Variants in SAP30BP observed in about 807,000 individuals in gnomAD.
SAP30BP encodes the protein SAP30-binding protein.
SAP30BP carries 31 observed loss-of-function variants against 46.3 expected under a neutral mutation model. The observed-to-expected ratio is 0.67, with a 90% CI of 0.50 to 0.90. The LOEUF (loss-of-function observed/expected upper bound fraction) is 0.90, where lower values mean the gene tolerates loss of function less well. SAP30BP is among the 40% of genes least tolerant of loss of function. SAP30BP has a pLI of 0.00. For missense variants in SAP30BP, 312 were observed against 391.0 expected, an observed-to-expected ratio of 0.80 and a Z score of 1.70; for synonymous variants, 169 against 144.2, an observed-to-expected ratio of 1.17 and a Z score of -1.23.
At chr17:75,699,935 T>TA in intron 5 of SAP30BP, 64 bp downstream of exon 5, 2 of 1,244,014 alleles carry the variant, frequency 1.6e-6, no homozygotes, top group South Asian at 2.4e-5. Flanking sequence ...GTGTTTGGTT[T>TA]GGTCTTAATC....
chr17:75,693,257 C>G, intron 3 of SAP30BP, 183 bp from the exon 4 acceptor site: 1 of 580,638 alleles, frequency 1.7e-6, no homozygotes, highest in East Asian at 3.0e-5. Flanking sequence ...TGCTGCGATG[C>G]GGGAAGAAGA....
intron 3 of SAP30BP, among the ~76,000 whole-genome samples, chr17:75,687,440 A>T (rs2060173411): frequency 6.6e-6 from 1 of 151,776 alleles, no homozygotes; most frequent in Admixed American, 6.6e-5. Context: ...ACATAGTGAG[A>T]CCCCATCTCT....
Position 75,706,347 on chromosome 17 carries a change from G to A in SAP30BP, c.753G>A (p.Gln251=), listed in dbSNP as rs1354578916. The change falls in exon 11 of 11, where the codon CAG becomes CAA. Residue 251 remains glutamine (Q), a synonymous_variant. Coordinates refer to ENST00000584667, the MANE Select transcript of SAP30BP (RefSeq NM_013260.8). This position sits in a 1 kb window ranked among gnomAD's most constrained non-coding sequence, Gnocchi z 4.6. ...TTTCTGCTTTATCTCCAGATGCTCA[G>A]AAGAGAAAGAGCAAGTGGGATTCGG... The part of the protein sequence containing the change: ...TTASTAVADA[Q]KRKSKWDSAI... 6.2e-7 allele frequency: 1 copy of A among 1,613,094 alleles called. No homozygotes were observed. Among genetic ancestry groups the A allele is most frequent in the Non-Finnish European group, 8.5e-7 (1 of 1,179,878 alleles).
Position 75,699,891 on chromosome 17 carries a change from A to G in SAP30BP, c.396+20A>G, listed in dbSNP as rs1373024530. ...TTGCAAGTAAGCATGAGACTCGGCT[A>G]CTGAGGTCGGATAGATTAGATAGCC... On this transcript the variant is annotated intron_variant, in intron 5 of 10. Transcript: ENST00000584667. 1.9e-6 allele frequency: 3 copies of G among 1,570,808 alleles called. No individual in the cohort carries two copies. The highest frequency in any genetic ancestry group is 1.3e-5 in the African/African-American group (1 of 74,174).
At chr17:75,668,471 T>C in intron 1 of SAP30BP, 45 bp from the exon 2 acceptor site, 1 of 1,279,518 alleles carries the variant, frequency 7.8e-7, no homozygotes, top group Non-Finnish European at 1.1e-6. Context: ...CTCTTGTTTT[T>C]TTTTTCTTGC....
At chr17:75,702,974 T>C (rs1013887408) in intron 6 of SAP30BP, 11 of 380,326 alleles carry the variant, frequency 2.9e-5, no homozygotes, top group Non-Finnish European at 4.8e-5. Flanking sequence ...CAGAGCGATG[T>C]CTGGTCTTCC....
intron 4 of SAP30BP, 47 bp downstream of exon 4, chr17:75,693,529 A>T: frequency 6.3e-7 from 1 of 1,588,108 alleles, no homozygotes; most frequent in Non-Finnish European, 8.6e-7. Flanking sequence ...CCTTGCTCCT[A>T]GCAGCCTGGC....
chr17:75,669,110 G>A (rs183689512), intron 2 of SAP30BP, among the ~76,000 whole-genome samples: 2 of 150,688 alleles, frequency 1.3e-5, no homozygotes. Flanking sequence ...GTCTCACTCT[G>A]CTGTCCAGAT....
chr17:75,673,139 A>G (rs549553972), intron 3 of SAP30BP, among the ~76,000 whole-genome samples: 105 of 152,334 alleles, frequency 6.9e-4, no homozygotes, highest in African/African-American at 2.5e-3. Context: ...GTATGTAGCC[A>G]CTAAAATCTT....
intron 4 of SAP30BP, among the ~76,000 whole-genome samples, chr17:75,699,175 T>C (rs1895066192): frequency 6.6e-6 from 1 of 152,118 alleles, no homozygotes; most frequent in African/African-American, 2.4e-5. Context: ...CCCCATCTCT[T>C]TGTTTTATTT....
chr17:75,673,256 AC>A (rs2059933481), intron 3 of SAP30BP, among the ~76,000 whole-genome samples: 1 of 152,204 alleles, frequency 6.6e-6, no homozygotes. Flanking sequence ...TGTAAATGCA[AC>A]CTGCTTTCTA....
intron 3 of SAP30BP, chr17:75,683,977 C>G (rs2060121973): frequency 6.6e-6 from 1 of 152,242 alleles, no homozygotes. Flanking sequence ...TCACTCTGAC[C>G]TGCTAGAGAA....
chr17:75,687,855 CAT>C (rs1283759233), intron 3 of SAP30BP, among the ~76,000 whole-genome samples: 3 of 151,790 alleles, frequency 2.0e-5, no homozygotes, highest in African/African-American at 7.3e-5. Flanking sequence ...GAAGTTAAAA[CAT>C]AACAGCTGAA....
intron 3 of SAP30BP, chr17:75,679,531 C>T (rs1395791333): frequency 6.6e-6 from 1 of 152,130 alleles, no homozygotes; most frequent in East Asian, 1.9e-4. Context: ...AGCACAGAGT[C>T]CCATGTTTGG....
In SAP30BP at chr17:75,671,824, C is replaced by T. The variant is rs974080851; in HGVS notation, c.225C>T (p.Asp75=). The change falls in exon 3 of 11, where the codon GAC becomes GAT. Residue 75 remains aspartate, a synonymous_variant. Transcript: ENST00000584667. The part of the protein sequence containing the change: ...EDENSRQSED[D]DSETEKPEAD... ...AATTCTTTGTCTTGTAGGAAGATGA[C>T]GATTCAGAGACTGAAAAACCTGAGG... 2.8e-5 allele frequency: 45 copies of T among 1,612,938 alleles called. No individual in the cohort carries two copies. The highest frequency in any genetic ancestry group is 5.3e-5 in the African/African-American group (4 of 74,950).
chr17:75,698,580 G>T (rs1292762804), intron 4 of SAP30BP, among the ~76,000 whole-genome samples: 1 of 146,766 alleles, frequency 6.8e-6, no homozygotes, highest in Non-Finnish European at 1.5e-5. Context: ...ATGCAGTGGT[G>T]GCTGGAGCTG....
At chr17:75,682,676 A>G (rs2148389362) in intron 3 of SAP30BP, among the ~76,000 whole-genome samples, 1 of 152,256 alleles carries the variant, frequency 6.6e-6, no homozygotes, top group East Asian at 1.9e-4. Context: ...ATTGTATGGC[A>G]TATGAGGCTG....
rs2059850383 is a variant in SAP30BP at position 75,668,638 on chromosome 17, C to T, written c.216+13C>T. 6.6e-7 allele frequency: 1 copy of T among 1,519,652 alleles called. No homozygotes were observed. The allele number at this position is 1,519,652 out of a possible 1,614,324, so 94.1% of individuals were successfully genotyped here. A position where few individuals can be genotyped will look rare whatever the true frequency, so the allele number is the denominator to read the frequency against. ...CAGTAGACAGTCGGTAGGTAAATCT[C>T]CCAGATCCAGAGCTACTGAAAGCAC... On this transcript the variant is annotated intron_variant, in intron 2 of 10. Coordinates refer to ENST00000584667, the MANE Select transcript of SAP30BP (RefSeq NM_013260.8).
At chr17:75,686,473 G>T (rs1411189306) in intron 3 of SAP30BP, among the ~76,000 whole-genome samples, 2 of 151,608 alleles carry the variant, frequency 1.3e-5, no homozygotes, top group Admixed American at 1.3e-4. Flanking sequence ...CCGAGATTGC[G>T]CCACTGCACT....
Sources: gnomAD v4.1 joint callset for allele counts (sites outside exome capture counted in the v4.1 genomes callset) on GRCh38, gnomAD v4.1.1 for gene constraint, Gnocchi (gnomAD v3.1) non-coding constraint, MANE v1.5 for transcripts, NCBI Gene and HGNC (gene_info 2026-07-23, HGNC 2026-07-21) for gene names.